Variants in DCAF12 observed in about 807,000 individuals in gnomAD.
DCAF12 encodes DDB1 and CUL4 associated factor 12.
Under a neutral mutation model 52.8 loss-of-function variants are expected in DCAF12, and 28 were observed. The ratio of observed to expected loss-of-function variants is 0.53; its 90% CI spans 0.39 to 0.73. DCAF12 has a LOEUF of 0.73. DCAF12 is among the 30% of genes least tolerant of loss of function. The probability of loss-of-function intolerance (pLI) is 0.00; values close to 1 mark genes in which losing one functional copy is unlikely to be tolerated. For missense variants in DCAF12, 425 were observed against 552.2 expected (o/e 0.77, Z 2.31); for synonymous variants, 196 against 215.5 (o/e 0.91, Z 0.79).
chr9:34,096,819 A>G (rs779918234), intron 5 of DCAF12, 38 bp from the exon 6 acceptor site: 1 of 1,573,784 alleles, frequency 6.4e-7, no homozygotes, highest in South Asian at 1.1e-5. Context: ...ATTATCATCT[A>G]TAGCAACTAA....
At chr9:34,104,168 G>A (rs1828870890) in intron 4 of DCAF12, among the ~76,000 whole-genome samples, 1 of 152,044 alleles carries the variant, frequency 6.6e-6, no homozygotes, top group African/African-American at 2.4e-5. Context: ...GGGAGGCCGA[G>A]GCAAGAGAAG....
intron 2 of DCAF12, among the ~76,000 whole-genome samples, chr9:34,110,337 T>C (rs992469860): frequency 3.9e-5 from 6 of 152,204 alleles, no homozygotes; most frequent in Non-Finnish European, 7.3e-5. Context: ...TCCTTTTCCC[T>C]CATTTCCATC....
chr9:34,111,891 T>C (rs936100652), intron 2 of DCAF12, among the ~76,000 whole-genome samples: 1 of 151,814 alleles, frequency 6.6e-6, no homozygotes, highest in African/African-American at 2.4e-5. Flanking sequence ...TCCCAGCACT[T>C]AGGGAGGCTG....
At chr9:34,109,004 GGTTT>G (rs1357203913) in intron 2 of DCAF12, among the ~76,000 whole-genome samples, 1 of 35,286 alleles carries the variant, frequency 2.8e-5, no homozygotes, top group East Asian at 4.8e-4. Flanking sequence ...ATATATATAT[GGTTT>G]TTTTTTTTTT....
chr9:34,119,638 A>G (rs536296350), intron 2 of DCAF12, among the ~76,000 whole-genome samples: 1 of 151,162 alleles, frequency 6.6e-6, no homozygotes, highest in Non-Finnish European at 1.5e-5. Context: ...AGGTGTGAAC[A>G]TTTTAGGCAA....
intron 4 of DCAF12, among the ~76,000 whole-genome samples, chr9:34,100,176 A>G: frequency 6.7e-6 from 1 of 148,256 alleles, no homozygotes. Flanking sequence ...CTAATACAAC[A>G]GGTATGCACC....
In DCAF12 at chr9:34,088,364, C is replaced by T; in HGVS notation, c.1348G>A (p.Gly450Arg). 2.5e-6 allele frequency: 4 copies of T among 1,600,304 alleles called. No individual in the cohort carries two copies. The highest frequency in any genetic ancestry group is 2.6e-6 in the Non-Finnish European group (3 of 1,173,928). The change falls in exon 9 of 9, where the codon GGG (glycine) becomes AGG (arginine). Residue 450 changes from glycine (G) to arginine (R), a missense_variant. By Grantham distance (125) the Gly-to-Arg change is moderately radical. This residue lies in a region of DCAF12 where 8 missense variants were observed against 22.9 expected (regional missense o/e 0.35). Transcript: ENST00000361264. ...GGGAGTTGTCATTAACTCCAGAGCC[C>T]AGCATAGTTTCCATGGAGCCCTGAA... is the stretch of plus-strand genomic sequence containing the variant. ...LPSGLHGNYA[G>R]LWS
chr9:34,105,252 CAAA>C (rs111302055), intron 4 of DCAF12, among the ~76,000 whole-genome samples: 1 of 122,838 alleles, frequency 8.1e-6, no homozygotes. Context: ...GACTCTGTCT[CAAA>C]AAAAAAAAAA....
At chr9:34,124,634 C>T (rs900152572) in intron 2 of DCAF12, among the ~76,000 whole-genome samples, 4 of 152,194 alleles carry the variant, frequency 2.6e-5, no homozygotes, top group Non-Finnish European at 4.4e-5. Context: ...CTTCGACATA[C>T]GTTCTTAGGC....
Position 34,122,569 on chromosome 9 carries a change from C to T in DCAF12, c.333+2454G>A, listed in dbSNP as rs4879749. Among the ~76,000 whole-genome samples the T allele has an allele frequency of 4.6e-3, 696 of 151,672 alleles. 10 individuals carry two copies. Among genetic ancestry groups the T allele is most frequent in the East Asian group, 0.022 (115 of 5,170 alleles). On this transcript the variant is annotated intron_variant, in intron 2 of 8. Coordinates refer to ENST00000361264, the MANE Select transcript of DCAF12 (RefSeq NM_015397.4). Reference sequence around the variant, plus strand: ...TCAGCTCACTACAACCTCCGCCTCCCGGGTTCAAGCAATTCTCCTGCCTCA... The same window carrying T: ...TCAGCTCACTACAACCTCCGCCTCCTGGGTTCAAGCAATTCTCCTGCCTCA...
Position 34,112,857 on chromosome 9 carries a change from C to T in DCAF12, c.334-5292G>A, listed in dbSNP as rs375496786. Among the ~76,000 whole-genome samples, 10 of 152,196 alleles carry T rather than the reference C, an allele frequency of 6.6e-5. No individual in the cohort carries two copies. The East Asian group carries it at 7.7e-4, about 12-fold the overall frequency. On this transcript the variant is annotated intron_variant, in intron 2 of 8. Transcript: ENST00000361264. ...AGGTTGAGGTAAGCTGAGATCACGC[C>T]ATTGCACTCCAACCTGGGCAATAAG...
chr9:34,092,872 T>C (rs1214157382), intron 7 of DCAF12, among the ~76,000 whole-genome samples: 2 of 152,048 alleles, frequency 1.3e-5, no homozygotes, highest in Admixed American at 1.3e-4. Context: ...TGAGACAGAA[T>C]TTCGCGCTCA....
chr9:34,115,891 A>G (rs1829080933), intron 2 of DCAF12, among the ~76,000 whole-genome samples: 1 of 152,058 alleles, frequency 6.6e-6, no homozygotes. Flanking sequence ...CATACCTTTA[A>G]CGGCGATAAG....
chr9:34,095,371 C>T (rs540022313), intron 6 of DCAF12, among the ~76,000 whole-genome samples: 1 of 115,208 alleles, frequency 8.7e-6, no homozygotes, highest in East Asian at 2.2e-4. Context: ...CCGCGCCAGG[C>T]CTTTTTTTTT....
At chr9:34,096,885 G>T in intron 5 of DCAF12, 104 bp from the exon 6 acceptor site, 1 of 985,208 alleles carries the variant, frequency 1.0e-6, no homozygotes, top group Non-Finnish European at 1.6e-6. Flanking sequence ...TTCCTGTCTC[G>T]TGATGATTCC....
At chr9:34,122,972 T>C (rs774019176) in intron 2 of DCAF12, among the ~76,000 whole-genome samples, 29 of 152,206 alleles carry the variant, frequency 1.9e-4, no homozygotes, top group Non-Finnish European at 3.7e-4. Context: ...CATGAACATA[T>C]ACCTAACCCA....
At chr9:34,089,745 T>C in intron 7 of DCAF12, 155 bp from the exon 8 acceptor site, 1 of 628,190 alleles carries the variant, frequency 1.6e-6, no homozygotes, top group Non-Finnish European at 2.5e-6. Flanking sequence ...CAATGGCAAG[T>C]TAGCTCATGC....
At chr9:34,099,376 C>T (rs1313399818) in intron 4 of DCAF12, among the ~76,000 whole-genome samples, 1 of 150,876 alleles carries the variant, frequency 6.6e-6, no homozygotes, top group Non-Finnish European at 1.5e-5. Context: ...GGACTACAGG[C>T]GCGTGCCACC....
chr9:34,104,497 A>AGAAAGTCTCTCAAAGATTTGAGC (rs1828874966), intron 4 of DCAF12, among the ~76,000 whole-genome samples: 1 of 152,244 alleles, frequency 6.6e-6, no homozygotes, highest in Admixed American at 6.5e-5. Context: ...TACAGATACT[A>AGAAAGTCTCTCAAAGATTTGAGC]GAAAGTCTCT....
Sources: allele counts gnomAD v4.1 joint callset (sites outside exome capture counted in the v4.1 genomes callset), GRCh38; gene constraint gnomAD v4.1.1; regional missense constraint gnomAD v4.1.1; transcripts MANE v1.5; gene names NCBI Gene and HGNC (gene_info 2026-07-23, HGNC 2026-07-21).